Variants in FBXO34 observed in about 807,000 individuals in gnomAD.
FBXO34 encodes F-box only protein 34.
FBXO34 carries 12 observed loss-of-function variants against 24.5 expected under a neutral mutation model. The ratio of observed to expected loss-of-function variants is 0.49; its 90% CI spans 0.31 to 0.79. The LOEUF (loss-of-function observed/expected upper bound fraction) is 0.79. Among genes scored for constraint, FBXO34 ranks in the 30% least tolerant of loss-of-function variants. FBXO34 has a pLI of 0.04. For synonymous variants in FBXO34, 320 were observed against 311.9 expected (o/e 1.03, Z -0.27); for missense variants, 823 against 857.7 (o/e 0.96, Z 0.51).
chr14:55,325,033 C>T (rs1883294257), intron 1 of FBXO34, among the ~76,000 whole-genome samples: 2 of 152,190 alleles, frequency 1.3e-5, no homozygotes, highest in South Asian at 4.1e-4. Context: ...CCTTATGACC[C>T]AGTTGTCTCC....
At chr14:55,370,995 G>A (rs1340384789), downstream of FBXO34, among the ~76,000 whole-genome samples, 4 of 152,006 alleles carry the variant, frequency 2.6e-5, no homozygotes, top group South Asian at 4.1e-4. Context: ...TCCTGCTCCA[G>A]GGCAGCCAGG....
chr14:55,396,238 T>C, the FBXO34 span, among the ~76,000 whole-genome samples: 16,685 of 152,254 alleles, frequency 0.11, 2,555 homozygotes, highest in African/African-American at 0.34. Flanking sequence ...GTCTTAGCCT[T>C]TGTCCTCAGT....
At chr14:55,378,432 C>T in the FBXO34 span, among the ~76,000 whole-genome samples, 1 of 152,234 alleles carries the variant, frequency 6.6e-6, no homozygotes, top group Non-Finnish European at 1.5e-5. Context: ...ATACAACTGT[C>T]ATCTGCTTTA....
intron 1 of FBXO34, among the ~76,000 whole-genome samples, chr14:55,345,504 G>A (rs145181236): frequency 3.3e-4 from 51 of 152,278 alleles, no homozygotes; most frequent in Non-Finnish European, 7.2e-4. Flanking sequence ...TGAGCTTGGT[G>A]CTGATGTCCC....
At chr14:55,322,884 AT>A (rs1192977896) in intron 1 of FBXO34, among the ~76,000 whole-genome samples, 3 of 151,094 alleles carry the variant, frequency 2.0e-5, no homozygotes, top group Non-Finnish European at 2.9e-5. Flanking sequence ...TACTAAAATT[AT>A]TTTTTTGGCC....
chr14:55,308,223 T>C (rs187018181), intron 1 of FBXO34, among the ~76,000 whole-genome samples: 1 of 152,344 alleles, frequency 6.6e-6, no homozygotes, highest in East Asian at 1.9e-4. Context: ...CAGGCACATA[T>C]CTGACTCCAA....
chr14:55,406,222 G>A, the FBXO34 span, among the ~76,000 whole-genome samples: 1 of 151,992 alleles, frequency 6.6e-6, no homozygotes, highest in Non-Finnish European at 1.5e-5. Context: ...GTCTGTTAAT[G>A]AAACCTGAAA....
chr14:55,312,334 C>T (rs1882772501), intron 1 of FBXO34, among the ~76,000 whole-genome samples: 1 of 152,202 alleles, frequency 6.6e-6, no homozygotes, highest in African/African-American at 2.4e-5. Context: ...AGGGTACAGC[C>T]CCCTTCCCAG....
At chr14:55,297,067 G>A (rs548400475) in intron 1 of FBXO34, among the ~76,000 whole-genome samples, 3 of 152,078 alleles carry the variant, frequency 2.0e-5, no homozygotes, top group Admixed American at 6.5e-5. Flanking sequence ...CCCCTTGACC[G>A]GCGTCATTTT....
intron 1 of FBXO34, among the ~76,000 whole-genome samples, chr14:55,280,779 G>C (rs1294722251): frequency 6.6e-6 from 1 of 152,064 alleles, no homozygotes; most frequent in Admixed American, 6.5e-5. Context: ...TCCCGCCTCA[G>C]CCTTCCGAAG....
the FBXO34 span, chr14:55,380,805 T>TA: frequency 2.0e-6 from 1 of 493,508 alleles, no homozygotes; most frequent in Non-Finnish European, 3.5e-6. Context: ...GTTTTAGTGC[T>TA]TCCTTAATAG....
rs150980073 is a variant in FBXO34 at position 55,338,614 on chromosome 14, A to T, written c.-10-11767A>T. ...TAGCTCTACCTTGGTTTCTTTTCTT[A>T]GGCCTAAAAACAGGCCAGGCGTGGT... On this transcript the variant is annotated intron_variant, in intron 1 of 1. Coordinates refer to ENST00000313833, the MANE Select transcript of FBXO34 (RefSeq NM_017943.4). Among the ~76,000 whole-genome samples the T allele has an allele frequency of 6.5e-3, 993 of 152,240 alleles. 13 individuals carry two copies. The highest frequency in any genetic ancestry group is 0.022 in the African/African-American group (931 of 41,558).
chr14:55,294,362 A>G (rs1882050182), intron 1 of FBXO34, among the ~76,000 whole-genome samples: 1 of 151,860 alleles, frequency 6.6e-6, no homozygotes, highest in South Asian at 2.1e-4. Context: ...TGGTGTGAAC[A>G]CTGCAGTCTT....
chr14:55,440,665 G>C, the FBXO34 span: 2 of 1,201,284 alleles, frequency 1.7e-6, no homozygotes, highest in African/African-American at 3.1e-5. Context: ...CCGGCCCATG[G>C]GCGCTGGGAA....
At chr14:55,319,285 A>G (rs1196634394) in intron 1 of FBXO34, among the ~76,000 whole-genome samples, 1 of 152,240 alleles carries the variant, frequency 6.6e-6, no homozygotes, top group Non-Finnish European at 1.5e-5. Flanking sequence ...TACCTATCAT[A>G]CAGTGTACAT....
downstream of FBXO34, among the ~76,000 whole-genome samples, chr14:55,357,642 C>G (rs1197997104): frequency 6.6e-6 from 1 of 152,120 alleles, no homozygotes; most frequent in Non-Finnish European, 1.5e-5. Flanking sequence ...AAGTGAGACT[C>G]TGTCGTTGTA....
At chr14:55,378,149 C>T in the FBXO34 span, 5 of 1,288,440 alleles carry the variant, frequency 3.9e-6, no homozygotes, top group Non-Finnish European at 5.5e-6. Flanking sequence ...ATTTACAGTA[C>T]AATTAGGTAT....
chr14:55,378,932 T>C, the FBXO34 span, among the ~76,000 whole-genome samples: 4 of 152,036 alleles, frequency 2.6e-5, no homozygotes, highest in Non-Finnish European at 4.4e-5. Context: ...GGTCTCTAAC[T>C]CCTGAGCTCA....
At chr14:55,322,424 A>T (rs1182283016) in intron 1 of FBXO34, among the ~76,000 whole-genome samples, 1 of 152,204 alleles carries the variant, frequency 6.6e-6, no homozygotes, top group African/African-American at 2.4e-5. Flanking sequence ...TAGCAGCATT[A>T]TGCTAAAGTA....
Sources: gnomAD v4.1 joint callset for allele counts (sites outside exome capture counted in the v4.1 genomes callset) on GRCh38, gnomAD v4.1.1 for gene constraint, MANE v1.5 for transcripts, NCBI Gene and HGNC (gene_info 2026-07-23, HGNC 2026-07-21) for gene names.